Variants in RGS6 observed in about 807,000 individuals in gnomAD.
RGS6 encodes the protein regulator of G-protein signaling 6.
In RGS6, 30 loss-of-function variants were observed where a neutral mutation model predicts 78.5. The observed-to-expected ratio is 0.38, with a 90% CI of 0.29 to 0.52. RGS6 has a LOEUF of 0.52. Ranked by LOEUF, RGS6 falls within the 20% of genes least tolerant of loss-of-function variation. RGS6 has a pLI of 0.85. For synonymous variants in RGS6, 206 were observed against 206.0 expected (o/e 1.00, Z 0.00); for missense variants, 495 against 609.7 (o/e 0.81, Z 1.98).
At chr14:72,311,204 T>C (rs1317455263) in intron 2 of RGS6, among the ~76,000 whole-genome samples, 1 of 152,236 alleles carries the variant, frequency 6.6e-6, no homozygotes, top group Non-Finnish European at 1.5e-5. Flanking sequence ...CACAAAATAT[T>C]TTAATGAAAG....
At chr14:72,548,775 C>T (rs974348148) in intron 17 of RGS6, among the ~76,000 whole-genome samples, 7 of 152,042 alleles carry the variant, frequency 4.6e-5, no homozygotes, top group South Asian at 4.2e-4. Context: ...TGGACACTTC[C>T]GGGTTGCTCC....
At chr14:72,579,007 C>T in the RGS6 span, among the ~76,000 whole-genome samples, 1 of 152,148 alleles carries the variant, frequency 6.6e-6, no homozygotes, top group South Asian at 2.1e-4. Flanking sequence ...AAAGTATCAA[C>T]CTGTGTATCA....
chr14:72,468,867 G>C (rs2095997569), intron 7 of RGS6, among the ~76,000 whole-genome samples: 1 of 152,128 alleles, frequency 6.6e-6, no homozygotes, highest in African/African-American at 2.4e-5. Context: ...CACCAAGCCT[G>C]GGTGATAACT....
chr14:71,952,261 T>A (rs2092390984), intron 1 of RGS6, among the ~76,000 whole-genome samples: 1 of 152,198 alleles, frequency 6.6e-6, no homozygotes, highest in Non-Finnish European at 1.5e-5. Context: ...TGTAAGTGTT[T>A]TACAAATACC....
chr14:72,071,650 A>G (rs1182305277), intron 2 of RGS6, among the ~76,000 whole-genome samples: 1 of 152,218 alleles, frequency 6.6e-6, no homozygotes, highest in Non-Finnish European at 1.5e-5. Context: ...TTTTAAAATT[A>G]ACATATCTAT....
the RGS6 span, among the ~76,000 whole-genome samples, chr14:71,870,030 T>C: frequency 6.6e-6 from 1 of 152,272 alleles, no homozygotes; most frequent in East Asian, 1.9e-4. Context: ...CAGTCACAGG[T>C]ATTCTGTTAT....
At chr14:72,372,244 T>C (rs1401158987) in intron 3 of RGS6, among the ~76,000 whole-genome samples, 1 of 152,242 alleles carries the variant, frequency 6.6e-6, no homozygotes, top group Non-Finnish European at 1.5e-5. Flanking sequence ...TATATAGGCT[T>C]TGTTCTCCTT....
chr14:72,159,210 A>T (rs549441293), intron 2 of RGS6, among the ~76,000 whole-genome samples: 7 of 152,334 alleles, frequency 4.6e-5, no homozygotes, highest in African/African-American at 1.7e-4. Context: ...TGAGGCTCTA[A>T]GACATTATGC....
chr14:72,458,225 T>C (rs781384424), intron 4 of RGS6, 46 bp from the exon 5 acceptor site: 10 of 1,481,246 alleles, frequency 6.8e-6, no homozygotes, highest in African/African-American at 1.4e-5. Context: ...TTCAGCCAAA[T>C]AACCTGCTTT....
chr14:72,308,654 A>G (rs2067822786), intron 2 of RGS6, among the ~76,000 whole-genome samples: 1 of 152,256 alleles, frequency 6.6e-6, no homozygotes, highest in Admixed American at 6.5e-5. Context: ...CTAAGTAAGC[A>G]TCTGCTCAGA....
the RGS6 span, among the ~76,000 whole-genome samples, chr14:72,603,008 G>GT: frequency 7.2e-5 from 11 of 152,180 alleles, no homozygotes; most frequent in African/African-American, 2.7e-4. Flanking sequence ...TAAACCACCA[G>GT]TTTTAAGCCC....
chr14:71,905,513 CAG>C, the RGS6 span, among the ~76,000 whole-genome samples: 6 of 151,860 alleles, frequency 4.0e-5, no homozygotes, highest in Admixed American at 3.3e-4. Context: ...TTTTTTGAGA[CAG>C]AGTCTCACTC....
At chr14:72,409,183 GA>G (rs1186594776) in intron 3 of RGS6, among the ~76,000 whole-genome samples, 4 of 152,156 alleles carry the variant, frequency 2.6e-5, no homozygotes, top group Non-Finnish European at 5.9e-5. Flanking sequence ...ACTGTTAAAA[GA>G]AAAACACTGG....
chr14:72,138,243 T>C (rs1240645446), intron 2 of RGS6, among the ~76,000 whole-genome samples: 4 of 152,110 alleles, frequency 2.6e-5, no homozygotes, highest in Non-Finnish European at 4.4e-5. Flanking sequence ...TCACCTGTTA[T>C]TGAAAACCAG....
the RGS6 span, among the ~76,000 whole-genome samples, chr14:72,624,944 A>G: frequency 6.6e-6 from 1 of 152,216 alleles, no homozygotes; most frequent in Non-Finnish European, 1.5e-5. Context: ...TATTACTTGT[A>G]ATGTTATCTG....
chr14:72,044,435 C>T (rs1367501039), intron 2 of RGS6, among the ~76,000 whole-genome samples: 3 of 152,130 alleles, frequency 2.0e-5, no homozygotes, highest in African/African-American at 4.8e-5. Flanking sequence ...CCAGATACAA[C>T]AAAAAGGGAG....
At chr14:72,069,844 A>C (rs997480944) in intron 2 of RGS6, among the ~76,000 whole-genome samples, 1 of 152,066 alleles carries the variant, frequency 6.6e-6, no homozygotes, top group Non-Finnish European at 1.5e-5. Context: ...CCAGCCAATC[A>C]CATATGATTT....
intron 2 of RGS6, among the ~76,000 whole-genome samples, chr14:72,281,524 G>A (rs775990367): frequency 3.3e-5 from 5 of 152,152 alleles, no homozygotes; most frequent in Non-Finnish European, 7.3e-5. Context: ...ATGATACTGA[G>A]TTTCTACTAC....
rs1470136872 is a variant in RGS6, at chr14:72,476,789, T to G, written c.741T>G (p.His247Gln). The change falls in exon 11 of 18, where the codon CAT (histidine) becomes CAG (glutamine). Residue 247 changes from histidine (H) to glutamine (Q), a missense_variant. Coordinates refer to ENST00000553525, the MANE Select transcript of RGS6 (RefSeq NM_001204424.2). ...AGTCCCAGGCACAGAGCCCGGTGCA[T>G]GTACTCAGCCAACCAATCAGGAAAA... ...TEESQAQSPV[H>Q]VLSQPIRKTT... 4 of 1,614,174 alleles carry G rather than the reference T, an allele frequency of 2.5e-6. No individual in the cohort carries two copies. The South Asian group carries it at 4.4e-5, about 18-fold the overall frequency.
Sources: allele counts gnomAD v4.1 joint callset (sites outside exome capture counted in the v4.1 genomes callset), GRCh38; gene constraint gnomAD v4.1.1; transcripts MANE v1.5; gene names NCBI Gene and HGNC (gene_info 2026-07-23, HGNC 2026-07-21).